The following RFX6 variants were observed in gnomAD, a reference collection of about 807,000 sequenced individuals.
RFX6 encodes regulatory factor X6, also known as DNA-binding protein RFX6.
RFX6 carries 50 observed loss-of-function variants against 110.8 expected under a neutral mutation model. The observed-to-expected ratio is 0.45, with a 90% CI of 0.36 to 0.57. The LOEUF (loss-of-function observed/expected upper bound fraction) is 0.57. Among genes scored for constraint, RFX6 ranks in the 20% least tolerant of loss-of-function variants. The pLI, the probability that RFX6 is intolerant of heterozygous loss-of-function variation, is 0.00. For synonymous variants in RFX6, 383 were observed against 411.2 expected, an observed-to-expected ratio of 0.93 and a Z score of 0.83; for missense variants, 990 against 1,127.0, an observed-to-expected ratio of 0.88 and a Z score of 1.74.
intron 6 of RFX6, among the ~76,000 whole-genome samples, chr6:116,896,670 T>G (rs965388278): frequency 6.6e-6 from 1 of 151,418 alleles, no homozygotes; most frequent in Non-Finnish European, 1.5e-5. Flanking sequence ...ATTGTGCCAC[T>G]GTATTCTAGC....
intron 6 of RFX6, among the ~76,000 whole-genome samples, chr6:116,909,672 AAATT>A (rs1775288933): frequency 1.3e-5 from 2 of 150,254 alleles, no homozygotes; most frequent in African/African-American, 4.9e-5. Flanking sequence ...AATAAAGTAA[AAATT>A]AAACATAATT....
chr6:116,906,650 C>T (rs1055597310), intron 6 of RFX6, among the ~76,000 whole-genome samples: 3 of 151,704 alleles, frequency 2.0e-5, no homozygotes, highest in Non-Finnish European at 2.9e-5. Flanking sequence ...TCTTAATTTT[C>T]TTTTCAGGCT....
Position 116,877,316 on chromosome 6 carries a change from C to G in RFX6, c.41C>G (p.Ala14Gly). The G allele has an allele frequency of 6.2e-7, 1 of 1,612,754 alleles. No homozygotes were observed. The highest frequency in any genetic ancestry group is 1.7e-4 in the Middle Eastern group (1 of 6,054). ...GAGCTGGAAGACACCTTCCTGCAGG[C>G]GCAGCCTGCGCCCCAACTGTCCCCG... The part of the protein sequence containing the change: ...VPELEDTFLQ[A>G]QPAPQLSPGI... Residue 14 changes from alanine to glycine, a missense_variant, in exon 1 of 19, where the codon GCG becomes GGG. Physicochemically the swap from Ala to Gly is moderately conservative, Grantham distance 60. Around this residue, in one of 5 missense-constraint regions of RFX6, gnomAD observed 175 missense variants for 162.3 expected, o/e 1.08. Transcript: ENST00000332958.
At chr6:116,889,626 G>A (rs1033992157) in intron 4 of RFX6, among the ~76,000 whole-genome samples, 3 of 152,066 alleles carry the variant, frequency 2.0e-5, no homozygotes, top group African/African-American at 7.2e-5. Context: ...AGGTACCACC[G>A]TGGCTATGGC....
intron 11 of RFX6, 105 bp downstream of exon 11, chr6:116,919,401 GACA>G: frequency 3.9e-6 from 4 of 1,030,846 alleles, no homozygotes; most frequent in Non-Finnish European, 4.6e-6. Flanking sequence ...GAGCTAAGTA[GACA>G]ACAACTAAAT....
intron 7 of RFX6, among the ~76,000 whole-genome samples, chr6:116,913,694 T>C (rs1775405282): frequency 6.6e-6 from 1 of 152,222 alleles, no homozygotes; most frequent in Non-Finnish European, 1.5e-5. Context: ...ATTTTGATGA[T>C]TTGTATATAA....
intron 10 of RFX6, among the ~76,000 whole-genome samples, chr6:116,918,321 T>C (rs1040935873): frequency 3.9e-5 from 6 of 152,086 alleles, no homozygotes; most frequent in African/African-American, 1.4e-4. Context: ...GAAAAATAGA[T>C]TTAAGCACTG....
intron 6 of RFX6, among the ~76,000 whole-genome samples, chr6:116,906,872 T>G (rs957650548): frequency 2.0e-5 from 3 of 151,252 alleles, no homozygotes; most frequent in African/African-American, 7.3e-5. Context: ...TTTTTTTTTT[T>G]TGCCTAACTA....
At chr6:116,907,416 A>G (rs1775229984) in intron 6 of RFX6, among the ~76,000 whole-genome samples, 1 of 152,096 alleles carries the variant, frequency 6.6e-6, no homozygotes, top group African/African-American at 2.4e-5. Flanking sequence ...TTCCTTGGAA[A>G]ACTTTGAGAT....
intron 1 of RFX6, 112 bp downstream of exon 1, chr6:116,877,610 C>A: frequency 9.3e-7 from 1 of 1,073,670 alleles, no homozygotes; most frequent in Non-Finnish European, 1.3e-6. Context: ...ATAGAATGTT[C>A]TGTCCAAATC....
chr6:116,912,360 T>G (rs2114689753), intron 7 of RFX6, among the ~76,000 whole-genome samples: 1 of 151,454 alleles, frequency 6.6e-6, no homozygotes, highest in Admixed American at 6.6e-5. Flanking sequence ...AAAAGTAAAA[T>G]ATACCCTTAA....
rs1382852394 is a variant in RFX6, at chr6:116,920,404, T to G, written c.1277T>G (p.Leu426Arg). ...VDLNSIGSQALLTISGSTDTE... is the reference protein window; with the variant it reads ...VDLNSIGSQARLTISGSTDTE... ...TTGAACAGCATTGGCTCTCAAGCCC[T>G]TCTTACCATTTCAGGCAGCACAGAC... The change falls in exon 12 of 19, where the codon CTT (leucine) becomes CGT (arginine). Residue 426 changes from leucine (L) to arginine (R), a missense_variant. This residue lies in a region of RFX6 where 243 missense variants were observed against 353.1 expected (regional missense o/e 0.69). Transcript: ENST00000332958. 1 of 1,613,140 alleles carries G rather than the reference T, an allele frequency of 6.2e-7. No individual in the cohort carries two copies. Among genetic ancestry groups the G allele is most frequent in the Non-Finnish European group, 8.5e-7 (1 of 1,179,214 alleles).
intron 18 of RFX6, among the ~76,000 whole-genome samples, chr6:116,929,299 A>G (rs185963290): frequency 4.5e-4 from 68 of 152,320 alleles, no homozygotes; most frequent in African/African-American, 1.5e-3. Flanking sequence ...AAAGGGCAGT[A>G]ATAATATCCT....
Position 116,927,151 on chromosome 6 carries a change from A to G in RFX6, c.2010A>G (p.Pro670=), listed in dbSNP as rs773068401. ...CAGGGAGGCCCCCAAGTGTGGGCCC[A>G]GTACTGTCAGCTCCATCACACTGCT... ...PMAGRPPSVG[P]VLSAPSHCST... The change falls in exon 17 of 19, where the codon CCA becomes CCG. Residue 670 remains proline (P), a synonymous_variant. Transcript: ENST00000332958. 4 of 1,614,178 alleles carry G rather than the reference A, an allele frequency of 2.5e-6. No individual in the cohort carries two copies. Among genetic ancestry groups the G allele is most frequent in the Non-Finnish European group, 3.4e-6 (4 of 1,180,026 alleles).
At chr6:116,923,266 A>G (rs1562147227) in intron 14 of RFX6, 42 bp downstream of exon 14, 1 of 938,446 alleles carries the variant, frequency 1.1e-6, no homozygotes. Flanking sequence ...CATGAATTAT[A>G]TAATTTGTTC....
intron 18 of RFX6, 56 bp from the exon 19 acceptor site, chr6:116,931,275 C>T: frequency 1.5e-6 from 2 of 1,298,684 alleles, no homozygotes; most frequent in Non-Finnish European, 2.2e-6. Context: ...GTGGCATTTG[C>T]AGAGAAAAGA....
rs1470433128 is a variant in RFX6, at chr6:116,919,287, T to C, written c.1173T>C (p.His391=). 1 of 1,613,358 alleles carries C rather than the reference T, an allele frequency of 6.2e-7. No individual in the cohort carries two copies. The highest frequency in any genetic ancestry group is 1.1e-5 in the South Asian group (1 of 91,068). Residue 391 remains histidine, a synonymous_variant, in exon 11 of 19, where the codon CAT becomes CAC. Coordinates refer to ENST00000332958, the MANE Select transcript of RFX6 (RefSeq NM_173560.4). ...TGAAACGACAAACATCTTTCTTACATCTTGCCCAGGTATGTTGGTTGCTAA... is the reference window on the plus strand; with the variant it reads ...TGAAACGACAAACATCTTTCTTACACCTTGCCCAGGTATGTTGGTTGCTAA... The part of the protein sequence containing the change: ...SSLKRQTSFL[H]LAQIARPALF...
intron 12 of RFX6, 106 bp downstream of exon 12, chr6:116,920,560 G>A: frequency 2.1e-6 from 2 of 946,256 alleles, no homozygotes; most frequent in Admixed American, 1.7e-5. Flanking sequence ...GCTGTAGGAT[G>A]TTTAGCAGCA....
At chr6:116,922,019 T>A (rs368080562) in intron 12 of RFX6, 23 bp from the exon 13 acceptor site, 2 of 266,942 alleles carry the variant, frequency 7.5e-6, no homozygotes, top group African/African-American at 4.9e-5. Flanking sequence ...CTTTTCTTTC[T>A]TTTTTTTTTT....
Sources: gnomAD v4.1 joint callset for allele counts (sites outside exome capture counted in the v4.1 genomes callset) on GRCh38, gnomAD v4.1.1 for gene constraint, gnomAD v4.1.1 regional missense constraint, MANE v1.5 for transcripts, NCBI Gene and HGNC (gene_info 2026-07-23, HGNC 2026-07-21) for gene names.